UEVLD: variants seen among roughly 807,000 people sequenced by gnomAD.
UEVLD encodes the protein UEV and lactate/malate dehyrogenase domains.
A neutral mutation model predicts 58.6 loss-of-function variants in UEVLD; 47 were observed. That is an observed-to-expected ratio of 0.80 (90% CI 0.63 to 1.02). The LOEUF is 1.02. Ranked by LOEUF, UEVLD falls within the 50% of genes least tolerant of loss-of-function variation. The pLI, the probability that UEVLD is intolerant of heterozygous loss-of-function variation, is 0.00. For missense variants in UEVLD, 510 were observed against 550.6 expected (o/e 0.93, Z 0.74); for synonymous variants, 197 against 195.3 (o/e 1.01, Z -0.07).
intron 9 of UEVLD, among the ~76,000 whole-genome samples, chr11:18,543,118 C>T (rs1225495505): frequency 1.3e-5 from 2 of 152,054 alleles, no homozygotes; most frequent in African/African-American, 2.4e-5. Context: ...GTCTCGATCT[C>T]CTGAGCTTGT....
At chr11:18,585,060 CT>C (rs1021463800) in intron 1 of UEVLD, among the ~76,000 whole-genome samples, 1 of 152,016 alleles carries the variant, frequency 6.6e-6, no homozygotes, top group African/African-American at 2.4e-5. Context: ...CTTTAATTTT[CT>C]TTTTAAAAAA....
rs1332756964 is a variant in UEVLD at position 18,578,806 on chromosome 11, GTA to G, written c.43_44del (p.Tyr15GlnfsTer30). ...CEGLRRLLGK[Y>X]KFRDLTVEEL... is the part of the protein sequence containing the mutation. ...CTTCCACAGTTAGGTCCCTGAACTTGTACTGAAAAGAGAAAAATAAGCATGGA... is the reference window on the plus strand; with the variant it reads ...CTTCCACAGTTAGGTCCCTGAACTTGCTGAAAAGAGAAAAATAAGCATGGA... On this transcript the variant is annotated frameshift_variant and splice_region_variant, in exon 2 of 12. Coordinates refer to ENST00000396197, the MANE Select transcript of UEVLD (RefSeq NM_001040697.4). LOFTEE classifies it high-confidence loss of function. The G allele has an allele frequency of 6.3e-7, 1 of 1,582,652 alleles. No homozygotes were observed. Among genetic ancestry groups the G allele is most frequent in the African/African-American group, 1.4e-5 (1 of 73,202 alleles).
At position 18,532,496 on chromosome 11, in the gene UEVLD, A is replaced by T. The variant is rs1249852394; in HGVS notation, c.1249-9T>A. ...TTTATATCATAATATCCCTGAAATG[A>T]GAAAAATAGGGATTTAATAGAACTA... On this transcript the variant is annotated splice_polypyrimidine_tract_variant and intron_variant, in intron 11 of 11. Transcript: ENST00000396197. 6.3e-7 allele frequency: 1 copy of T among 1,581,280 alleles called. No homozygotes were observed. The highest frequency in any genetic ancestry group is 8.6e-7 in the Non-Finnish European group (1 of 1,163,506).
At chr11:18,546,795 C>A in intron 8 of UEVLD, 85 bp downstream of exon 8, 1 of 1,491,168 alleles carries the variant, frequency 6.7e-7, no homozygotes, top group Non-Finnish European at 9.1e-7. Flanking sequence ...CTGTGCCAGG[C>A]CCTAAAGTTT....
At chr11:18,548,041 C>A (rs573200601) in intron 7 of UEVLD, among the ~76,000 whole-genome samples, 1 of 152,228 alleles carries the variant, frequency 6.6e-6, no homozygotes, top group South Asian at 2.1e-4. Context: ...ACCACACCTG[C>A]CTCTTGGATC....
intron 7 of UEVLD, among the ~76,000 whole-genome samples, chr11:18,550,073 C>T (rs545700525): frequency 9.9e-5 from 15 of 151,348 alleles, no homozygotes; most frequent in African/African-American, 2.9e-4. Flanking sequence ...CCACCTGCCT[C>T]GGCCTCCCAA....
rs555839915 is a variant in UEVLD at position 18,588,261 on chromosome 11, G to T, written c.42+352C>A. On this transcript the variant is annotated intron_variant, in intron 1 of 11. Coordinates refer to ENST00000396197, the MANE Select transcript of UEVLD (RefSeq NM_001040697.4). ...CTGAGTTGGGTCTTACAAAGGATGA[G>T]CTTTGCAATTCAAGAAAAAAGAAAA... 1.9e-4 allele frequency among the ~76,000 whole-genome samples: 29 copies of T among 152,286 alleles called. No homozygotes were observed. In the South Asian group the frequency reaches 5.6e-3, roughly 29 times the overall value.
At chr11:18,545,075 T>TCTATATATATATA (rs60959151) in intron 8 of UEVLD, among the ~76,000 whole-genome samples, 3 of 117,228 alleles carry the variant, frequency 2.6e-5, no homozygotes, top group African/African-American at 1.1e-4. Flanking sequence ...TATATCTATA[T>TCTATATATATATA]TTTTTTTTTT....
chr11:18,564,588 T>A (rs1157306072), intron 6 of UEVLD, among the ~76,000 whole-genome samples: 1 of 152,156 alleles, frequency 6.6e-6, no homozygotes, highest in African/African-American at 2.4e-5. Flanking sequence ...TAAATGAGTT[T>A]AATTAAAGTG....
chr11:18,557,863 G>T (rs1851826245), intron 7 of UEVLD, among the ~76,000 whole-genome samples: 1 of 152,180 alleles, frequency 6.6e-6, no homozygotes, highest in African/African-American at 2.4e-5. Context: ...TTATGGCAGA[G>T]CAGGGATGGA....
rs936727986 is a variant in UEVLD, at chr11:18,530,773, T to C, written c.*1547A>G. 1.7e-4 allele frequency: 26 copies of C among 151,222 alleles called. No homozygotes were observed. Among genetic ancestry groups the C allele is most frequent in the African/African-American group, 6.3e-4 (26 of 40,946 alleles). The allele number at this position is 151,222 out of a possible 1,614,324, so 9.4% of individuals were successfully genotyped here. A position where few individuals can be genotyped will look rare whatever the true frequency, so the allele number is the denominator to read the frequency against. On this transcript the variant is annotated 3_prime_UTR_variant, in exon 12 of 12. Transcript: ENST00000396197. ...CGGAGTCTTGCTCTGTCGCCCAGGCTGGAGTGCAGTGGCGCGATCTCTGCT... is the reference window on the plus strand; with the variant it reads ...CGGAGTCTTGCTCTGTCGCCCAGGCCGGAGTGCAGTGGCGCGATCTCTGCT...
chr11:18,566,869 T>C (rs77829633), intron 4 of UEVLD, among the ~76,000 whole-genome samples: 2,667 of 152,318 alleles, frequency 0.018, 68 homozygotes, highest in African/African-American at 0.06. Context: ...AAAAATAGCA[T>C]GAATATGCTT....
At chr11:18,581,794 T>C (rs553439652) in intron 1 of UEVLD, among the ~76,000 whole-genome samples, 1 of 152,296 alleles carries the variant, frequency 6.6e-6, no homozygotes, top group African/African-American at 2.4e-5. Context: ...CGTCTTTCCC[T>C]CATTGTTCTA....
chr11:18,532,283 T>C lies in UEVLD; in HGVS notation c.*37A>G. ...GGTAAAATTAAATGACTTTTCCCTTTAGGTAGAAGTCCAGCCTCTCAAATT... is the reference window on the plus strand; with the variant it reads ...GGTAAAATTAAATGACTTTTCCCTTCAGGTAGAAGTCCAGCCTCTCAAATT... On this transcript the variant is annotated 3_prime_UTR_variant, in exon 12 of 12. Transcript: ENST00000396197. 1 of 1,552,404 alleles carries C rather than the reference T, an allele frequency of 6.4e-7. No individual in the cohort carries two copies. Among genetic ancestry groups the C allele is most frequent in the Non-Finnish European group, 8.7e-7 (1 of 1,151,578 alleles).
chr11:18,544,280 C>T (rs555421653), intron 9 of UEVLD, among the ~76,000 whole-genome samples: 1 of 152,232 alleles, frequency 6.6e-6, no homozygotes, highest in Non-Finnish European at 1.5e-5. Flanking sequence ...ATGCCATGAC[C>T]ACTGGCAATT....
intron 3 of UEVLD, among the ~76,000 whole-genome samples, chr11:18,572,698 G>A (rs1264336392): frequency 6.6e-6 from 1 of 151,892 alleles, no homozygotes; most frequent in African/African-American, 2.4e-5. Flanking sequence ...CAGCTACTCA[G>A]GAGACTGAGG....
chr11:18,544,110 C>T (rs758065844), intron 9 of UEVLD, among the ~76,000 whole-genome samples: 14 of 152,228 alleles, frequency 9.2e-5, no homozygotes, highest in Non-Finnish European at 1.9e-4. Flanking sequence ...TCCTACTAAG[C>T]GGTCTTGTCT....
intron 4 of UEVLD, among the ~76,000 whole-genome samples, chr11:18,569,027 C>T (rs751897076): frequency 3.4e-4 from 51 of 151,986 alleles, no homozygotes; most frequent in Non-Finnish European, 5.3e-4. Context: ...CCCAAGTAGC[C>T]GGGACTACAG....
chr11:18,534,305 A>C lies in UEVLD; in HGVS notation c.1248+25T>G, dbSNP rs774913743. On this transcript the variant is annotated intron_variant, in intron 11 of 11. Transcript: ENST00000396197. ...TAATAATATCTAAGTTTAAAATATAATAAGAGAATAAGAATAGCAATTACC... is the reference window on the plus strand; with the variant it reads ...TAATAATATCTAAGTTTAAAATATACTAAGAGAATAAGAATAGCAATTACC... 17 of 1,455,022 alleles carry C rather than the reference A, an allele frequency of 1.2e-5. 1 individual carries two copies. In the South Asian group the frequency reaches 2.3e-4, roughly 20 times the overall value. The allele number at this position is 1,455,022 out of a possible 1,614,324, so 90.1% of individuals were successfully genotyped here.
Sources: gnomAD v4.1 joint callset for allele counts (sites outside exome capture counted in the v4.1 genomes callset) on GRCh38, gnomAD v4.1.1 for gene constraint, MANE v1.5 for transcripts, NCBI Gene and HGNC (gene_info 2026-07-23, HGNC 2026-07-21) for gene names.